AGBL3: variants seen among roughly 807,000 people sequenced by gnomAD.
AGBL3 encodes the protein cytosolic carboxypeptidase 3.
AGBL3 carries 68 observed loss-of-function variants against 94.5 expected under a neutral mutation model. The observed-to-expected ratio is 0.72, with a 90% CI of 0.59 to 0.88. The LOEUF is 0.88. Ranked by LOEUF, AGBL3 falls within the 40% of genes least tolerant of loss-of-function variation. AGBL3 has a pLI of 0.00. For synonymous variants in AGBL3, 354 were observed against 370.7 expected, an observed-to-expected ratio of 0.95 and a Z score of 0.52; for missense variants, 934 against 1,103.8, an observed-to-expected ratio of 0.85 and a Z score of 2.18.
In AGBL3 at chr7:135,034,141, T is replaced by C. The variant is rs924655606; in HGVS notation, c.558-8T>C. On this transcript the variant is annotated splice_region_variant and splice_polypyrimidine_tract_variant and intron_variant, in intron 6 of 16. Transcript: ENST00000436302. ...CGTGCTTTTTTCCCTTTCTTTCTTG[T>C]GTATTAGGGCAGAATACGAATACCA... 2.8e-6 allele frequency: 4 copies of C among 1,412,854 alleles called. No homozygotes were observed. The African/African-American group carries it at 5.8e-5, about 21-fold the overall frequency. 87.5% of individuals were successfully genotyped at this position (1,412,854 alleles called of 1,614,324 possible).
chr7:135,014,898 G>A (rs1584833742), intron 4 of AGBL3, among the ~76,000 whole-genome samples: 1 of 152,156 alleles, frequency 6.6e-6, no homozygotes, highest in African/African-American at 2.4e-5. Context: ...TTCACAGCTC[G>A]AGTTTGCAGC....
intron 15 of AGBL3, among the ~76,000 whole-genome samples, chr7:135,110,163 C>A (rs939195959): frequency 6.6e-6 from 1 of 152,066 alleles, no homozygotes; most frequent in African/African-American, 2.4e-5. Flanking sequence ...GAGTTCCAAG[C>A]CAGTCCCTCT....
At chr7:135,110,053 C>T (rs1227392328) in intron 15 of AGBL3, among the ~76,000 whole-genome samples, 1 of 152,002 alleles carries the variant, frequency 6.6e-6, no homozygotes, top group Non-Finnish European at 1.5e-5. Flanking sequence ...GCACCAAAGG[C>T]AACAATGGCT....
At chr7:135,100,504 T>C (rs1823669214) in intron 15 of AGBL3, among the ~76,000 whole-genome samples, 1 of 152,176 alleles carries the variant, frequency 6.6e-6, no homozygotes, top group African/African-American at 2.4e-5. Context: ...ACCAACTAGA[T>C]TTGTACAACA....
At chr7:135,058,150 C>A (rs1031343412) in intron 11 of AGBL3, among the ~76,000 whole-genome samples, 10 of 152,096 alleles carry the variant, frequency 6.6e-5, no homozygotes, top group Non-Finnish European at 1.5e-4. Flanking sequence ...ATCTAATTTA[C>A]AAATGTACCA....
intron 5 of AGBL3, among the ~76,000 whole-genome samples, chr7:135,030,603 G>A (rs1318131559): frequency 6.6e-6 from 1 of 152,094 alleles, no homozygotes; most frequent in East Asian, 1.9e-4. Flanking sequence ...TGGATCCATA[G>A]GTTAGTAGGG....
At chr7:135,115,809 TTTAA>T (rs1826238693) in intron 16 of AGBL3, 198 bp downstream of exon 16, 1 of 511,170 alleles carries the variant, frequency 2.0e-6, no homozygotes, top group South Asian at 3.1e-5. Flanking sequence ...TCAGGCCTTA[TTTAA>T]TTGATTATTT....
chr7:135,026,999 T>C (rs1192242451), intron 5 of AGBL3, among the ~76,000 whole-genome samples: 1 of 151,642 alleles, frequency 6.6e-6, no homozygotes, highest in Non-Finnish European at 1.5e-5. Flanking sequence ...TTTAGTTTGA[T>C]TGGTTTAGAA....
chr7:135,034,141 T>G lies in AGBL3; in HGVS notation c.558-8T>G. ...CGTGCTTTTTTCCCTTTCTTTCTTG[T>G]GTATTAGGGCAGAATACGAATACCA... On this transcript the variant is annotated splice_region_variant and splice_polypyrimidine_tract_variant and intron_variant, in intron 6 of 16. Coordinates refer to ENST00000436302, the MANE Select transcript of AGBL3 (RefSeq NM_178563.4). 7.1e-7 allele frequency: 1 copy of G among 1,412,972 alleles called. No individual in the cohort carries two copies. Among genetic ancestry groups the G allele is most frequent in the Non-Finnish European group, 9.3e-7 (1 of 1,074,872 alleles). 87.5% of individuals were successfully genotyped at this position (1,412,972 alleles called of 1,614,324 possible).
intron 16 of AGBL3, 93 bp downstream of exon 16, chr7:135,115,704 T>C (rs1159374860): frequency 1.4e-5 from 15 of 1,079,508 alleles, no homozygotes; most frequent in Non-Finnish European, 1.9e-5. Context: ...GAAAAAAAAA[T>C]CTGCTCTTGA....
intron 8 of AGBL3, among the ~76,000 whole-genome samples, chr7:135,040,077 T>A (rs1299103526): frequency 1.3e-5 from 2 of 152,114 alleles, no homozygotes; most frequent in Non-Finnish European, 2.9e-5. Context: ...AAGGGGAAAT[T>A]CAATTCTATG....
intron 11 of AGBL3, among the ~76,000 whole-genome samples, chr7:135,056,055 T>C (rs1430133606): frequency 6.6e-6 from 1 of 152,142 alleles, no homozygotes; most frequent in Admixed American, 6.6e-5. Flanking sequence ...GAGGACACAG[T>C]TGTTAGTATC....
intron 16 of AGBL3, among the ~76,000 whole-genome samples, chr7:135,127,634 A>G (rs941516580): frequency 3.3e-5 from 5 of 152,214 alleles, no homozygotes; most frequent in African/African-American, 1.2e-4. Context: ...ATACCATCTC[A>G]CATCAGTCAG....
At chr7:134,994,830 A>G (rs1810788057) in intron 4 of AGBL3, among the ~76,000 whole-genome samples, 2 of 152,176 alleles carry the variant, frequency 1.3e-5, no homozygotes, top group African/African-American at 4.8e-5. Flanking sequence ...TATATTAAAG[A>G]ATTCATGCTT....
chr7:135,032,874 G>T lies in AGBL3; in HGVS notation c.449G>T (p.Arg150Leu). The T allele has an allele frequency of 6.5e-7, 1 of 1,550,252 alleles. No individual in the cohort carries two copies. Among genetic ancestry groups the T allele is most frequent in the Non-Finnish European group, 8.7e-7 (1 of 1,146,396 alleles). ...AYKEPCFVYS[R>L]VGGNRTPLKQ... ...AAAGAGCCCTGTTTTGTGTATTCCCGAGTTGGGGGTAACCGAACACCTTTG... is the reference window on the plus strand; with the variant it reads ...AAAGAGCCCTGTTTTGTGTATTCCCTAGTTGGGGGTAACCGAACACCTTTG... The change falls in exon 6 of 17, where the codon CGA (arginine) becomes CTA (leucine). Residue 150 changes from arginine (R) to leucine (L), a missense_variant. By Grantham distance (102) the Arg-to-Leu change is moderately radical. Transcript: ENST00000436302.
intron 14 of AGBL3, 30 bp from the exon 15 acceptor site, chr7:135,081,689 T>C: frequency 7.1e-7 from 1 of 1,404,440 alleles, no homozygotes; most frequent in Non-Finnish European, 9.7e-7. Context: ...GTTATTTTCA[T>C]GCTACTATGA....
chr7:135,059,933 CA>C (rs1818680065), intron 12 of AGBL3, among the ~76,000 whole-genome samples: 1 of 152,196 alleles, frequency 6.6e-6, no homozygotes, highest in African/African-American at 2.4e-5. Flanking sequence ...TTTTCTCACT[CA>C]TGGGTCTGCC....
At position 135,135,072 on chromosome 7, in the gene AGBL3, G is replaced by A; in HGVS notation, c.2574G>A (p.Lys858=). ...AAGACATAAAACCTCTCAGCAGCAA[G>A]TGGGAGACTGCTTCTTCAAGCTTTG... ...KNEDIKPLSS[K]WETASSSFGM... The change falls in exon 17 of 17, where the codon AAG becomes AAA. Residue 858 remains lysine (K), a synonymous_variant. Transcript: ENST00000436302. The A allele has an allele frequency of 6.4e-7, 1 of 1,551,210 alleles. No individual in the cohort carries two copies. The highest frequency in any genetic ancestry group is 8.7e-7 in the Non-Finnish European group (1 of 1,146,662).
rs1818608055 is a variant in AGBL3 at position 135,059,227 on chromosome 7, A to G, written c.1900A>G (p.Thr634Ala). 2.6e-6 allele frequency: 4 copies of G among 1,550,564 alleles called. No homozygotes were observed. The highest frequency in any genetic ancestry group is 2.4e-5 in the East Asian group (1 of 40,892). ...CTCTCTGACTTACCTTCTCAAGTTA[A>G]CTTCTCAGGTATGACTGAACATTTT... ...IDSLTYLLKL[T>A]SQKKHLKTKK... Residue 634 changes from threonine (T) to alanine (A), a missense_variant, in exon 12 of 17, where the codon ACT becomes GCT. Thr to Ala is a moderately conservative substitution (Grantham distance 58). Around this residue, in one of 3 missense-constraint regions of AGBL3, gnomAD observed 441 missense variants for 518.2 expected, o/e 0.85. Transcript: ENST00000436302.
Sources: gnomAD v4.1 joint callset for allele counts (sites outside exome capture counted in the v4.1 genomes callset) on GRCh38, gnomAD v4.1.1 for gene constraint, gnomAD v4.1.1 regional missense constraint, MANE v1.5 for transcripts, NCBI Gene and HGNC (gene_info 2026-07-23, HGNC 2026-07-21) for gene names.